Variants in MYO18A observed in about 807,000 individuals in gnomAD.
MYO18A encodes unconventional myosin-XVIIIa.
A neutral mutation model predicts 235.8 loss-of-function variants in MYO18A; 78 were observed. The observed-to-expected ratio is 0.33, with a 90% CI of 0.28 to 0.40. MYO18A has a LOEUF of 0.40. MYO18A is among the 10% of genes least tolerant of loss of function. The probability of loss-of-function intolerance (pLI) is 1.00; values close to 1 mark genes in which losing one functional copy is unlikely to be tolerated. For synonymous variants in MYO18A, 977 were observed against 1,077.8 expected (o/e 0.91, Z 1.83); for missense variants, 2,215 against 2,699.3 (o/e 0.82, Z 3.98).
intron 19 of MYO18A, among the ~76,000 whole-genome samples, chr17:29,108,022 A>G (rs934961696): frequency 6.6e-6 from 1 of 151,662 alleles, no homozygotes; most frequent in Non-Finnish European, 1.5e-5. Context: ...ACCTTGGGCC[A>G]GTCACTCAAC....
intron 37 of MYO18A, among the ~76,000 whole-genome samples, chr17:29,087,408 G>T (rs965692992): frequency 2.0e-5 from 3 of 152,158 alleles, no homozygotes; most frequent in Admixed American, 6.5e-5. Flanking sequence ...CAAGACTGAG[G>T]GAGTGTTCTG....
rs2067710799 is a variant in MYO18A, at chr17:29,140,438, G to A, written c.1000-18185C>T. ...TCAAAATAGCACAGGCTGTGGCCCC[G>A]CCCAGTTCCCGCCCTCTCCCCGGCC... On this transcript the variant is annotated intron_variant, in intron 2 of 41. Transcript: ENST00000527372. The surrounding 1 kb of genome is among the most constrained non-coding windows in gnomAD (Gnocchi z 4.2). 3.2e-6 allele frequency: 4 copies of A among 1,251,054 alleles called. No homozygotes were observed. The highest frequency in any genetic ancestry group is 1.3e-5 in the South Asian group (1 of 75,704). 77.5% of individuals were successfully genotyped at this position (1,251,054 alleles called of 1,614,324 possible).
chr17:29,075,398 C>T, intron 41 of MYO18A: 1 of 169,038 alleles, frequency 5.9e-6, no homozygotes. Flanking sequence ...GAGGCGCTTT[C>T]CCTGTCAAAT....
Position 29,115,374 on chromosome 17 carries a change from G to T in MYO18A, c.2295C>A (p.Thr765=). Residue 765 remains threonine (T), a synonymous_variant, in exon 13 of 42, where the codon ACC becomes ACA. Coordinates refer to ENST00000527372, the MANE Select transcript of MYO18A (RefSeq NM_078471.4). ...ACCTATTCACCAGGGAGACGAGAAGGGTGAAGAGCTCGCTGTAGAGGCCGG... is the reference window on the plus strand; with the variant it reads ...ACCTATTCACCAGGGAGACGAGAAGTGTGAAGAGCTCGCTGTAGAGGCCGG... The part of the protein sequence containing the change: ...MAAGLYSELF[T]LLVSLVNRAL... 6.2e-7 allele frequency: 1 copy of T among 1,614,004 alleles called. No homozygotes were observed. Among genetic ancestry groups the T allele is most frequent in the South Asian group, 1.1e-5 (1 of 91,088 alleles).
At position 29,120,901 on chromosome 17, in the gene MYO18A, G is replaced by A; in HGVS notation, c.1585+97C>T. 1 of 1,559,704 alleles carries A rather than the reference G, an allele frequency of 6.4e-7. No homozygotes were observed. The highest frequency in any genetic ancestry group is 8.7e-7 in the Non-Finnish European group (1 of 1,146,712). On this transcript the variant is annotated intron_variant, in intron 6 of 41. Transcript: ENST00000527372. This position sits in a 1 kb window ranked among gnomAD's most constrained non-coding sequence, Gnocchi z 4.2. ...CAGAGGGGTTTCGGGGGGATGGAAAGGCCAGGGAGAAAAAGAGCTGGCACT... is the reference window on the plus strand; with the variant it reads ...CAGAGGGGTTTCGGGGGGATGGAAAAGCCAGGGAGAAAAAGAGCTGGCACT...
At chr17:29,091,337 T>C in intron 34 of MYO18A, 1 of 333,286 alleles carries the variant, frequency 3.0e-6, no homozygotes, top group Non-Finnish European at 5.9e-6. Context: ...GCTTAGACTC[T>C]CATTTTCCCT....
chr17:29,093,286 G>A (rs12603438), intron 32 of MYO18A, 37 bp downstream of exon 32: 1 of 1,560,876 alleles, frequency 6.4e-7, no homozygotes, highest in Non-Finnish European at 8.7e-7. Flanking sequence ...CATGGGCAGG[G>A]AGCCGGCCAG....
intron 1 of MYO18A, among the ~76,000 whole-genome samples, chr17:29,172,455 ACT>A (rs556124651): frequency 3.4e-4 from 52 of 151,266 alleles, no homozygotes; most frequent in African/African-American, 1.2e-3. Flanking sequence ...ACAGAACAAG[ACT>A]CTGTCTAAAA....
At chr17:29,082,484 C>T in intron 40 of MYO18A, 46 bp from the exon 41 acceptor site, 1 of 1,590,806 alleles carries the variant, frequency 6.3e-7, no homozygotes, top group Non-Finnish European at 8.6e-7. Context: ...TAGGCACCTG[C>T]TGCCCACGAG....
chr17:29,153,578 A>T (rs2152953027), intron 2 of MYO18A, among the ~76,000 whole-genome samples: 1 of 152,352 alleles, frequency 6.6e-6, no homozygotes, highest in Admixed American at 6.5e-5. Context: ...TCCAGAGGCC[A>T]AGCTGTAGCC....
chr17:29,088,958 A>G (rs570831124), intron 37 of MYO18A, among the ~76,000 whole-genome samples: 2 of 150,334 alleles, frequency 1.3e-5, no homozygotes, highest in African/African-American at 4.9e-5. Context: ...GGATGGGAGG[A>G]TTGCTTGAGC....
In MYO18A at chr17:29,140,420, A is replaced by G. The variant is rs868703252; in HGVS notation, c.1000-18167T>C. The stretch of plus-strand genomic sequence containing the variant: ...TCTGGCTCCGTTAGCAGCTCAAAAT[A>G]GCACAGGCTGTGGCCCCGCCCAGTT... On this transcript the variant is annotated intron_variant, in intron 2 of 41. Coordinates refer to ENST00000527372, the MANE Select transcript of MYO18A (RefSeq NM_078471.4). This position sits in a 1 kb window ranked among gnomAD's most constrained non-coding sequence, Gnocchi z 4.2. 2 of 1,278,248 alleles carry G rather than the reference A, an allele frequency of 1.6e-6. No homozygotes were observed. Among genetic ancestry groups the G allele is most frequent in the Middle Eastern group, 2.2e-4 (1 of 4,572 alleles). The allele number at this position is 1,278,248 out of a possible 1,614,324, so 79.2% of individuals were successfully genotyped here.
Position 29,085,605 on chromosome 17 carries a change from G to A in MYO18A, c.5896C>T (p.Leu1966Phe). 6.2e-7 allele frequency: 1 copy of A among 1,613,986 alleles called. No homozygotes were observed. Among genetic ancestry groups the A allele is most frequent in the Non-Finnish European group, 8.5e-7 (1 of 1,179,850 alleles). The change falls in exon 40 of 42, where the codon CTT becomes TTT. Residue 1966 changes from leucine to phenylalanine, a missense_variant and splice_region_variant. Transcript: ENST00000527372. ...GAGCACATGCGCTCCAGTCCTCACA[G>A]TTTATTCTTTCTTTTCTGATACTTT... ...VTKYQKRKNKLEGDSDVDSEL... is the reference protein window; with the variant it reads ...VTKYQKRKNKFEGDSDVDSEL...
intron 2 of MYO18A, among the ~76,000 whole-genome samples, chr17:29,142,615 G>A (rs866375139): frequency 6.6e-6 from 1 of 152,190 alleles, no homozygotes; most frequent in Non-Finnish European, 1.5e-5. Context: ...ATGGGGTGCA[G>A]CATCTGTGTT....
intron 1 of MYO18A, among the ~76,000 whole-genome samples, chr17:29,172,050 C>G (rs1194413374): frequency 6.6e-6 from 1 of 152,030 alleles, no homozygotes; most frequent in Non-Finnish European, 1.5e-5. Context: ...GTTTGCAGGT[C>G]ATTGTGATAA....
At chr17:29,168,928 G>A (rs1039195269) in intron 1 of MYO18A, among the ~76,000 whole-genome samples, 6 of 152,138 alleles carry the variant, frequency 3.9e-5, no homozygotes, top group African/African-American at 9.6e-5. Context: ...CCAGCACTTC[G>A]GGAGGCCGAG....
rs1342093890 is a variant in MYO18A at position 29,140,222 on chromosome 17, C to T, written c.1000-17969G>A. ...AGCCCCAAGGCTGCCCCACCCCTCTCCCCACCTACTTCAGCCACATCTGGG... is the reference window on the plus strand; with the variant it reads ...AGCCCCAAGGCTGCCCCACCCCTCTTCCCACCTACTTCAGCCACATCTGGG... On this transcript the variant is annotated intron_variant, in intron 2 of 41. Coordinates refer to ENST00000527372, the MANE Select transcript of MYO18A (RefSeq NM_078471.4). The surrounding 1 kb of genome is among the most constrained non-coding windows in gnomAD (Gnocchi z 4.2). The T allele has an allele frequency of 4.4e-6, 3 of 679,770 alleles. No individual in the cohort carries two copies. The highest frequency in any genetic ancestry group is 6.0e-6 in the Non-Finnish European group (3 of 496,214). 42.1% of individuals were successfully genotyped at this position (679,770 alleles called of 1,614,324 possible). A position where few individuals can be genotyped will look rare whatever the true frequency, so the allele number is the denominator to read the frequency against.
At chr17:29,085,042 C>T (rs1236249070) in intron 40 of MYO18A, among the ~76,000 whole-genome samples, 1 of 152,232 alleles carries the variant, frequency 6.6e-6, no homozygotes, top group Non-Finnish European at 1.5e-5. Context: ...TGTTCCCTTC[C>T]CCCGCCACGG....
intron 2 of MYO18A, among the ~76,000 whole-genome samples, chr17:29,161,081 T>G (rs2068161888): frequency 6.6e-6 from 1 of 151,400 alleles, no homozygotes; most frequent in African/African-American, 2.4e-5. Context: ...TAGGCTGGGC[T>G]TGGTGGCTCA....
Sources: allele counts gnomAD v4.1 joint callset (sites outside exome capture counted in the v4.1 genomes callset), GRCh38; gene constraint gnomAD v4.1.1; non-coding constraint Gnocchi (gnomAD v3.1); transcripts MANE v1.5; gene names NCBI Gene and HGNC (gene_info 2026-07-23, HGNC 2026-07-21).